Variants in KLHL1 observed in about 807,000 individuals in gnomAD.
The protein encoded by KLHL1 is kelch like family member 1.
In KLHL1, 47 loss-of-function variants were observed where a neutral mutation model predicts 77.7. That is an observed-to-expected ratio of 0.60 (90% CI 0.48 to 0.77). KLHL1 has a LOEUF of 0.77. KLHL1 is among the 30% of genes least tolerant of loss of function. The probability of loss-of-function intolerance (pLI) is 0.00; values close to 1 mark genes in which losing one functional copy is unlikely to be tolerated. For synonymous variants in KLHL1, 360 were observed against 325.2 expected (o/e 1.11, Z -1.15); for missense variants, 925 against 910.8 (o/e 1.02, Z -0.20).
intron 3 of KLHL1, among the ~76,000 whole-genome samples, chr13:69,949,507 G>A (rs144739943): frequency 0.01 from 1,565 of 151,790 alleles, 26 homozygotes; most frequent in African/African-American, 0.035. Flanking sequence ...GATCACGTGC[G>A]GAGGTAGTGT....
chr13:70,058,822 TA>T (rs1886807070), intron 1 of KLHL1, among the ~76,000 whole-genome samples: 1 of 152,202 alleles, frequency 6.6e-6, no homozygotes, highest in Non-Finnish European at 1.5e-5. Flanking sequence ...ACTACAGAGC[TA>T]TAGTAACCAA....
chr13:69,842,482 C>A (rs1452854780), intron 5 of KLHL1, among the ~76,000 whole-genome samples: 1 of 151,760 alleles, frequency 6.6e-6, no homozygotes, highest in Non-Finnish European at 1.5e-5. Flanking sequence ...TAAATCAAAA[C>A]CATAATGAAA....
intron 4 of KLHL1, among the ~76,000 whole-genome samples, chr13:69,888,565 T>G (rs545865472): frequency 6.6e-6 from 1 of 152,086 alleles, no homozygotes; most frequent in African/African-American, 2.4e-5. Flanking sequence ...AGAGATTATG[T>G]GTAGTTATGC....
At chr13:69,843,404 G>C (rs940115908) in intron 5 of KLHL1, among the ~76,000 whole-genome samples, 1 of 151,602 alleles carries the variant, frequency 6.6e-6, no homozygotes, top group South Asian at 2.1e-4. Flanking sequence ...TCATGACATA[G>C]ATTTAAATAT....
intron 1 of KLHL1, among the ~76,000 whole-genome samples, chr13:70,039,396 T>C (rs771519469): frequency 7.2e-5 from 11 of 152,114 alleles, no homozygotes; most frequent in Non-Finnish European, 1.3e-4. Context: ...TTTTATCATT[T>C]TCTAATTTGA....
chr13:70,056,768 GA>G (rs1464381049), intron 1 of KLHL1, among the ~76,000 whole-genome samples: 1 of 151,900 alleles, frequency 6.6e-6, no homozygotes, highest in East Asian at 1.9e-4. Context: ...TAAATTTCAT[GA>G]AACAAATGAA....
intron 4 of KLHL1, among the ~76,000 whole-genome samples, chr13:69,910,520 G>A (rs9529653): frequency 0.59 from 88,864 of 151,242 alleles, 26,059 homozygotes; most frequent in South Asian, 0.66. Flanking sequence ...ACTATGTTTC[G>A]GGTATCGGAT....
intron 1 of KLHL1, among the ~76,000 whole-genome samples, chr13:69,993,251 G>A (rs11840536): frequency 0.16 from 23,633 of 151,936 alleles, 3,894 homozygotes; most frequent in African/African-American, 0.42. Flanking sequence ...GTCTGGGAGA[G>A]CCATAGCAGA....
intron 7 of KLHL1, among the ~76,000 whole-genome samples, chr13:69,780,253 CT>C (rs1326705511): frequency 6.6e-6 from 1 of 152,106 alleles, no homozygotes; most frequent in Non-Finnish European, 1.5e-5. Context: ...AACTTACCTC[CT>C]TTTTGTTGTT....
chr13:70,067,252 C>G (rs1391548996), intron 1 of KLHL1, among the ~76,000 whole-genome samples: 1 of 152,190 alleles, frequency 6.6e-6, no homozygotes, highest in African/African-American at 2.4e-5. Context: ...AAAGTACCCT[C>G]TACTCATTGT....
At chr13:70,085,672 T>A (rs1026069709) in intron 1 of KLHL1, among the ~76,000 whole-genome samples, 4 of 152,144 alleles carry the variant, frequency 2.6e-5, no homozygotes, top group Admixed American at 2.0e-4. Flanking sequence ...GAGATCAGCC[T>A]GGCCAAATAG....
chr13:69,720,239 C>T (rs909111997), intron 8 of KLHL1, among the ~76,000 whole-genome samples: 5 of 151,972 alleles, frequency 3.3e-5, no homozygotes, highest in African/African-American at 1.2e-4. Context: ...GATAGAACCC[C>T]CCCAAAATAA....
chr13:69,706,049 G>A (rs1284629265), intron 10 of KLHL1, among the ~76,000 whole-genome samples: 1 of 151,712 alleles, frequency 6.6e-6, no homozygotes, highest in Admixed American at 6.6e-5. Context: ...ATTAATGCAT[G>A]CAGGGTTTGC....
chr13:70,105,573 T>A (rs1326744047), intron 1 of KLHL1, among the ~76,000 whole-genome samples: 1 of 151,390 alleles, frequency 6.6e-6, no homozygotes, highest in Non-Finnish European at 1.5e-5. Flanking sequence ...TAGTAACAGA[T>A]AAATACTTAA....
At chr13:69,719,730 A>G in intron 8 of KLHL1, 149 bp from the exon 9 acceptor site, 2 of 618,232 alleles carry the variant, frequency 3.2e-6, no homozygotes, top group Non-Finnish European at 5.6e-6. Context: ...AAAGATACTC[A>G]ATAAATGATC....
intron 10 of KLHL1, among the ~76,000 whole-genome samples, chr13:69,703,694 T>C (rs1875502143): frequency 6.6e-6 from 1 of 151,634 alleles, no homozygotes. Flanking sequence ...TTTTATACCA[T>C]ATTTCTACAG....
intron 1 of KLHL1, among the ~76,000 whole-genome samples, chr13:70,039,615 G>T (rs1886324208): frequency 6.9e-6 from 1 of 144,866 alleles, no homozygotes; most frequent in Non-Finnish European, 1.5e-5. Context: ...TGTTAATACT[G>T]CCTGCCTTTG....
chr13:70,103,816 G>T (rs1435618089), intron 1 of KLHL1, among the ~76,000 whole-genome samples: 2 of 152,096 alleles, frequency 1.3e-5, no homozygotes, highest in African/African-American at 2.4e-5. Flanking sequence ...GCTCAATTTT[G>T]TACATGTTAT....
intron 7 of KLHL1, among the ~76,000 whole-genome samples, chr13:69,745,683 C>A (rs956475002): frequency 2.6e-5 from 4 of 151,634 alleles, no homozygotes; most frequent in Non-Finnish European, 5.9e-5. Flanking sequence ...ATATAATGGA[C>A]AAGCATAACT....
Sources: allele counts gnomAD v4.1 joint callset (sites outside exome capture counted in the v4.1 genomes callset), GRCh38; gene constraint gnomAD v4.1.1; transcripts MANE v1.5; gene names NCBI Gene and HGNC (gene_info 2026-07-23, HGNC 2026-07-21).